Variants in SNX29 observed in about 807,000 individuals in gnomAD.
The protein encoded by SNX29 is sorting nexin-29.
A neutral mutation model predicts 102.1 loss-of-function variants in SNX29; 78 were observed. The observed-to-expected ratio is 0.76, with a 90% CI of 0.64 to 0.92. The LOEUF (loss-of-function observed/expected upper bound fraction) is 0.92. SNX29 is among the 40% of genes least tolerant of loss of function. SNX29 has a pLI of 0.00. For synonymous variants in SNX29, 580 were observed against 414.5 expected (o/e 1.40, Z -4.85); for missense variants, 1,280 against 1,061.7 (o/e 1.21, Z -2.86).
Position 12,078,858 on chromosome 16 carries a change from G to A in SNX29, c.1345G>A (p.Gly449Arg), listed in dbSNP as rs749853600. ...TGTGGAAGCCAGCTCTCCAGGCCAC[G>A]GAAGTCCTCTGAGCAGCCTGTTACC... ...YSVEASSPGH[G>R]SPLSSLLPSA... The change falls in exon 11 of 21, where the codon GGA (glycine) becomes AGA (arginine). Residue 449 changes from glycine (G) to arginine (R), a missense_variant. Transcript: ENST00000566228. 29 of 1,606,358 alleles carry A rather than the reference G, an allele frequency of 1.8e-5. No homozygotes were observed. The highest frequency in any genetic ancestry group is 5.3e-5 in the African/African-American group (4 of 74,814).
chr16:12,492,910 A>T (rs1597595459), intron 19 of SNX29, among the ~76,000 whole-genome samples: 1 of 152,192 alleles, frequency 6.6e-6, no homozygotes, highest in Non-Finnish European at 1.5e-5. Context: ...TGGTACCAGT[A>T]AAATGCTGTT....
chr16:12,550,318 C>G (rs1485146286), intron 20 of SNX29, among the ~76,000 whole-genome samples: 5 of 152,102 alleles, frequency 3.3e-5, no homozygotes, highest in African/African-American at 1.2e-4. Flanking sequence ...GGTTGGGTCA[C>G]CTGAGGTCGA....
chr16:12,003,066 C>G (rs141130515), intron 3 of SNX29, 23 bp downstream of exon 3: 2 of 1,613,686 alleles, frequency 1.2e-6, no homozygotes, highest in South Asian at 1.1e-5. Flanking sequence ...CTTCTAAAAC[C>G]GTTGACCATC....
chr16:12,271,379 C>G (rs77324866), intron 14 of SNX29, among the ~76,000 whole-genome samples: 1 of 152,104 alleles, frequency 6.6e-6, no homozygotes, highest in Non-Finnish European at 1.5e-5. Context: ...GTAGGAAGCT[C>G]GTAAGAATAA....
chr16:12,377,853 G>T (rs942355718), intron 16 of SNX29, among the ~76,000 whole-genome samples: 6 of 152,158 alleles, frequency 3.9e-5, no homozygotes, highest in Admixed American at 3.3e-4. Flanking sequence ...ATGGTCTGTG[G>T]CCTTAAATAG....
At chr16:12,117,584 C>T (rs1378081779) in intron 11 of SNX29, among the ~76,000 whole-genome samples, 5 of 152,160 alleles carry the variant, frequency 3.3e-5, no homozygotes, top group Admixed American at 6.5e-5. Flanking sequence ...TTCATAGAGA[C>T]GCAATGTGGA....
At chr16:12,431,779 C>T (rs771441822) in intron 18 of SNX29, among the ~76,000 whole-genome samples, 2 of 152,214 alleles carry the variant, frequency 1.3e-5, no homozygotes, top group Non-Finnish European at 2.9e-5. Context: ...AACCCACAGC[C>T]GGTGCTGTGA....
At position 12,096,974 on chromosome 16, in the gene SNX29, C is replaced by A. The variant is rs1195885925; in HGVS notation, c.1402+18059C>A. Among the ~76,000 whole-genome samples, 1 of 152,126 alleles carries A rather than the reference C, an allele frequency of 6.6e-6. No homozygotes were observed. The highest frequency in any genetic ancestry group is 1.9e-4 in the East Asian group (1 of 5,190). On this transcript the variant is annotated intron_variant, in intron 11 of 20. Coordinates refer to ENST00000566228, the MANE Select transcript of SNX29 (RefSeq NM_032167.5). The surrounding 1 kb of genome is among the most constrained non-coding windows in gnomAD (Gnocchi z 4.2). ...CTCGGTGCAGGGGAGGTCAGGAGGT[C>A]TTGCACAGATGGGGATGCTGGGCCA...
chr16:12,169,472 T>G (rs897283190), intron 13 of SNX29, among the ~76,000 whole-genome samples: 1 of 152,122 alleles, frequency 6.6e-6, no homozygotes, highest in African/African-American at 2.4e-5. Flanking sequence ...CTGGGGATGG[T>G]CCTTTGCCGC....
At chr16:12,556,887 C>G (rs148471343) in intron 20 of SNX29, among the ~76,000 whole-genome samples, 2,193 of 148,668 alleles carry the variant, frequency 0.015, 54 homozygotes, top group South Asian at 0.11. Context: ...GGGTCTCCGT[C>G]TGTCTCCTCA....
intron 13 of SNX29, among the ~76,000 whole-genome samples, chr16:12,130,094 ACT>A (rs1404324556): frequency 3.3e-5 from 5 of 150,870 alleles, no homozygotes; most frequent in Admixed American, 1.3e-4. Flanking sequence ...ACAGAGCAAG[ACT>A]CTGTCTCAAA....
chr16:12,030,338 A>G (rs1276087006), intron 4 of SNX29, among the ~76,000 whole-genome samples: 1 of 152,238 alleles, frequency 6.6e-6, no homozygotes, highest in Non-Finnish European at 1.5e-5. Context: ...TTTGGCGTAC[A>G]GCACGGGCTT....
chr16:12,544,159 A>C (rs900054260), intron 20 of SNX29, among the ~76,000 whole-genome samples: 1 of 152,210 alleles, frequency 6.6e-6, no homozygotes, highest in African/African-American at 2.4e-5. Flanking sequence ...ATTCCTAAGA[A>C]CACGGGATGG....
intron 18 of SNX29, among the ~76,000 whole-genome samples, chr16:12,475,805 C>T (rs979901866): frequency 1.3e-5 from 2 of 152,200 alleles, no homozygotes; most frequent in African/African-American, 4.8e-5. Flanking sequence ...TGAAAAATTG[C>T]AAGACAATTA....
At chr16:12,535,449 C>T (rs1014736763) in intron 20 of SNX29, among the ~76,000 whole-genome samples, 1 of 152,186 alleles carries the variant, frequency 6.6e-6, no homozygotes, top group Non-Finnish European at 1.5e-5. Flanking sequence ...CATTTATTAA[C>T]ACATCCTTTC....
At chr16:12,409,057 C>T (rs141082131) in intron 18 of SNX29, among the ~76,000 whole-genome samples, 4 of 152,262 alleles carry the variant, frequency 2.6e-5, no homozygotes, top group East Asian at 3.9e-4. Context: ...TAAGAAATGG[C>T]GGCATTTGAC....
chr16:12,308,007 A>G (rs1175474038), intron 15 of SNX29, among the ~76,000 whole-genome samples: 1 of 152,206 alleles, frequency 6.6e-6, no homozygotes, highest in African/African-American at 2.4e-5. Flanking sequence ...CACTGAACCC[A>G]TCCCTCATTC....
chr16:12,416,472 C>T (rs1242664786), intron 18 of SNX29, among the ~76,000 whole-genome samples: 5 of 152,172 alleles, frequency 3.3e-5, no homozygotes, highest in Non-Finnish European at 7.3e-5. Context: ...TGGATCTGCT[C>T]ATTACCCTGA....
chr16:12,467,826 C>T (rs572988106), intron 18 of SNX29, among the ~76,000 whole-genome samples: 1 of 152,212 alleles, frequency 6.6e-6, no homozygotes, highest in African/African-American at 2.4e-5. Flanking sequence ...ACCTAGCATG[C>T]CAGATGGTGG....
Sources: gnomAD v4.1 joint callset for allele counts (sites outside exome capture counted in the v4.1 genomes callset) on GRCh38, gnomAD v4.1.1 for gene constraint, Gnocchi (gnomAD v3.1) non-coding constraint, MANE v1.5 for transcripts, NCBI Gene and HGNC (gene_info 2026-07-23, HGNC 2026-07-21) for gene names.